RPS28: variants seen among roughly 807,000 people sequenced by gnomAD.
RPS28 encodes small ribosomal subunit protein eS28.
A neutral mutation model predicts 9.4 loss-of-function variants in RPS28; 2 were observed. The ratio of observed to expected loss-of-function variants is 0.21; its 90% CI spans 0.09 to 0.67. RPS28 has a LOEUF of 0.67. RPS28 is among the 30% of genes least tolerant of loss of function. The pLI is 0.82. For missense variants in RPS28, 35 were observed against 95.3 expected (o/e 0.37, Z 2.63); for synonymous variants, 41 against 37.8 (o/e 1.08, Z -0.31).
In RPS28 at chr19:8,321,901, C is replaced by T. The variant is rs756754419; in HGVS notation, c.88-52C>T. The T allele has an allele frequency of 3.1e-6, 5 of 1,604,544 alleles. No homozygotes were observed. The South Asian group carries it at 5.6e-5, about 18-fold the overall frequency. ...CATATCTGCTTCCCACTCCGCGGTGCCTTTCCGCGGCCCGCCCTTACTTCT... is the reference window on the plus strand; with the variant it reads ...CATATCTGCTTCCCACTCCGCGGTGTCTTTCCGCGGCCCGCCCTTACTTCT... On this transcript the variant is annotated intron_variant, in intron 2 of 3. Transcript: ENST00000600659.
chr19:8,321,637 C>G lies in RPS28; in HGVS notation c.40-19C>G, dbSNP rs1222072006. The G allele has an allele frequency of 3.2e-6, 5 of 1,555,676 alleles. No individual in the cohort carries two copies. The African/African-American group carries it at 4.1e-5, about 13-fold the overall frequency. ...AGGAGCCAAACGGGCCGGGTCTGAA[C>G]CCAGCTTCTTTCCTCCAGGTCACCA... On this transcript the variant is annotated intron_variant, in intron 1 of 3. Coordinates refer to ENST00000600659, the MANE Select transcript of RPS28 (RefSeq NM_001031.5).
Position 8,322,997 on chromosome 19 carries a change from C to A in RPS28, c.*742C>A. The A allele has an allele frequency of 1.2e-6, 1 of 834,316 alleles. No individual in the cohort carries two copies. The highest frequency in any genetic ancestry group is 2.9e-5 in the East Asian group (1 of 34,112). The allele number at this position is 834,316 out of a possible 1,614,324, so 51.7% of individuals were successfully genotyped here. A position where few individuals can be genotyped will look rare whatever the true frequency, so the allele number is the denominator to read the frequency against. ...GAAACGTGGGATTCAGCCCCAGCCT[C>A]ACTTAGTGGAGGTTCTTTTACCATG... On this transcript the variant is annotated 3_prime_UTR_variant, in exon 4 of 4. Transcript: ENST00000600659.
rs764600900 is a variant in RPS28 at position 8,321,988 on chromosome 19, C to T, written c.123C>T (p.Ser41=). 1.4e-5 allele frequency: 22 copies of T among 1,612,910 alleles called. No individual in the cohort carries two copies. Among genetic ancestry groups the T allele is most frequent in the Middle Eastern group, 1.6e-4 (1 of 6,076 alleles). Residue 41 remains serine, a synonymous_variant, in exon 3 of 4, where the codon TCC becomes TCT. Transcript: ENST00000600659. Reference sequence around the variant, plus strand: ...AATTCATGGACGACACGAGCCGATCCATCATCCGCAATGTAAAAGGCCCCG... The same window carrying T: ...AATTCATGGACGACACGAGCCGATCTATCATCCGCAATGTAAAAGGCCCCG... ...RVEFMDDTSR[S]IIRNVKGPVR... is the part of the protein sequence containing the mutation.
At position 8,322,952 on chromosome 19, in the gene RPS28, C is replaced by T. The variant is rs750292434; in HGVS notation, c.*697C>T. 9.7e-6 allele frequency: 12 copies of T among 1,242,886 alleles called. No homozygotes were observed. Among genetic ancestry groups the T allele is most frequent in the Non-Finnish European group, 1.3e-5 (12 of 901,214 alleles). 77.0% of individuals were successfully genotyped at this position (1,242,886 alleles called of 1,614,324 possible). A position where few individuals can be genotyped will look rare whatever the true frequency, so the allele number is the denominator to read the frequency against. On this transcript the variant is annotated 3_prime_UTR_variant, in exon 4 of 4. Coordinates refer to ENST00000600659, the MANE Select transcript of RPS28 (RefSeq NM_001031.5). ...AGAGAGGGGAAAAGAGGGGGGCCTG[C>T]TGCAATCTCCTTGAGGCAGGAAACG...
intron 2 of RPS28, 65 bp downstream of exon 2, chr19:8,321,768 C>A: frequency 6.6e-7 from 1 of 1,523,632 alleles, no homozygotes; most frequent in Non-Finnish European, 8.9e-7. Context: ...CTCTACCCTG[C>A]CCTAACCCCT....
chr19:8,322,624 G>A lies in RPS28; in HGVS notation c.*369G>A, dbSNP rs1599636688. ...ATTAGCAAAGAAGTTTCAGAGAGTG[G>A]GTGGATCAGGGCTCTATCACTTGGT... On this transcript the variant is annotated 3_prime_UTR_variant, in exon 4 of 4. Coordinates refer to ENST00000600659, the MANE Select transcript of RPS28 (RefSeq NM_001031.5). 3 of 588,390 alleles carry A rather than the reference G, an allele frequency of 5.1e-6. No homozygotes were observed. The East Asian group carries it at 8.5e-5, about 17-fold the overall frequency. 36.4% of individuals were successfully genotyped at this position (588,390 alleles called of 1,614,324 possible). A position where few individuals can be genotyped will look rare whatever the true frequency, so the allele number is the denominator to read the frequency against.
intron 2 of RPS28, 100 bp downstream of exon 2, chr19:8,321,803 T>G (rs1970320801): frequency 4.0e-6 from 6 of 1,506,798 alleles, no homozygotes; most frequent in Non-Finnish European, 5.4e-6. Flanking sequence ...GGGAGCCGAT[T>G]CTCATTTCAT....
rs770647807 is a variant in RPS28 at position 8,321,582 on chromosome 19, C to T, written c.39+13C>T. 3.2e-6 allele frequency: 5 copies of T among 1,575,676 alleles called. No individual in the cohort carries two copies. The South Asian group carries it at 5.8e-5, about 18-fold the overall frequency. Reference sequence around the variant, plus strand: ...CAAGCTGGCCAGGGTGAGGTGGGGGCCCGAATTTGGGGGCAGGGGGAGGGA... The same window carrying T: ...CAAGCTGGCCAGGGTGAGGTGGGGGTCCGAATTTGGGGGCAGGGGGAGGGA... On this transcript the variant is annotated intron_variant, in intron 1 of 3. Transcript: ENST00000600659.
rs1486469822 is a variant in RPS28, at chr19:8,322,233, C to T, written c.*17-39C>T. On this transcript the variant is annotated intron_variant, in intron 3 of 3. Transcript: ENST00000600659. ...GGAGGCGGGAGTTTGCCAATTGCTG[C>T]GGGGCCTGTCAACATCTCATGTTTG... 1.6e-5 allele frequency: 15 copies of T among 922,028 alleles called. No homozygotes were observed. In the African/African-American group the frequency reaches 2.1e-4, roughly 13 times the overall value. The allele number at this position is 922,028 out of a possible 1,614,324, so 57.1% of individuals were successfully genotyped here.
chr19:8,321,644 T>C lies in RPS28; in HGVS notation c.40-12T>C. On this transcript the variant is annotated splice_polypyrimidine_tract_variant and intron_variant, in intron 1 of 3. Coordinates refer to ENST00000600659, the MANE Select transcript of RPS28 (RefSeq NM_001031.5). ...AAACGGGCCGGGTCTGAACCCAGCT[T>C]CTTTCCTCCAGGTCACCAAGGTCCT... is the stretch of plus-strand genomic sequence containing the variant. 6.4e-7 allele frequency: 1 copy of C among 1,555,916 alleles called. No homozygotes were observed.
chr19:8,322,936 A>C lies in RPS28; in HGVS notation c.*681A>C. 2 of 1,415,772 alleles carry C rather than the reference A, an allele frequency of 1.4e-6. No homozygotes were observed. Among genetic ancestry groups the C allele is most frequent in the Non-Finnish European group, 1.9e-6 (2 of 1,051,858 alleles). 87.7% of individuals were successfully genotyped at this position (1,415,772 alleles called of 1,614,324 possible). ...GGGTGACTCGCTCTGGAGAGAGGGG[A>C]AAAGAGGGGGGCCTGCTGCAATCTC... On this transcript the variant is annotated 3_prime_UTR_variant, in exon 4 of 4. Coordinates refer to ENST00000600659, the MANE Select transcript of RPS28 (RefSeq NM_001031.5).
At position 8,323,219 on chromosome 19, in the gene RPS28, A is replaced by T; in HGVS notation, c.*964A>T. ...GTTTAATACACCTAATCTCCCAAAC[A>T]TCACAGCTTAGCATGGTCCATCTTA... On this transcript the variant is annotated 3_prime_UTR_variant, in exon 4 of 4. Transcript: ENST00000600659. The T allele has an allele frequency of 4.4e-6, 1 of 229,298 alleles. No individual in the cohort carries two copies. The highest frequency in any genetic ancestry group is 8.5e-6 in the Non-Finnish European group (1 of 118,032). The allele number at this position is 229,298 out of a possible 1,614,324, so 14.2% of individuals were successfully genotyped here.
At position 8,322,940 on chromosome 19, in the gene RPS28, GA is replaced by G. The variant is rs767140684; in HGVS notation, c.*686del. 4.4e-6 allele frequency: 6 copies of G among 1,378,960 alleles called. No individual in the cohort carries two copies. The East Asian group carries it at 1.6e-4, about 36-fold the overall frequency. The allele number at this position is 1,378,960 out of a possible 1,614,324, so 85.4% of individuals were successfully genotyped here. ...GACTCGCTCTGGAGAGAGGGGAAAA[GA>G]GGGGGGCCTGCTGCAATCTCCTTGA... On this transcript the variant is annotated 3_prime_UTR_variant, in exon 4 of 4. Coordinates refer to ENST00000600659, the MANE Select transcript of RPS28 (RefSeq NM_001031.5).
rs931728461 is a variant in RPS28 at position 8,323,128 on chromosome 19, T to C, written c.*873T>C. The C allele has an allele frequency of 1.2e-5, 5 of 427,908 alleles. No homozygotes were observed. The highest frequency in any genetic ancestry group is 1.0e-4 in the African/African-American group (5 of 48,388). The allele number at this position is 427,908 out of a possible 1,614,324, so 26.5% of individuals were successfully genotyped here. A position where few individuals can be genotyped will look rare whatever the true frequency, so the allele number is the denominator to read the frequency against. The stretch of plus-strand genomic sequence containing the variant: ...CCAGTGGGGTGAGTACAGGTGTTCC[T>C]CAGTTTACAATGGGTTACATTCCGG... On this transcript the variant is annotated 3_prime_UTR_variant, in exon 4 of 4. Transcript: ENST00000600659.
At position 8,321,661 on chromosome 19, in the gene RPS28, C is replaced by T. The variant is rs1167149104; in HGVS notation, c.45C>T (p.Thr15=). 3 of 1,559,380 alleles carry T rather than the reference C, an allele frequency of 1.9e-6. No individual in the cohort carries two copies. The highest frequency in any genetic ancestry group is 2.6e-6 in the Non-Finnish European group (3 of 1,151,856). ...RVQPIKLARV[T]KVLGRTGSQG... ...ACCCAGCTTCTTTCCTCCAGGTCAC[C>T]AAGGTCCTGGGCAGGACCGGTTCTC... Residue 15 remains threonine (T), a synonymous_variant, in exon 2 of 4, where the codon ACC becomes ACT. Transcript: ENST00000600659.
intron 2 of RPS28, 24 bp from the exon 3 acceptor site, chr19:8,321,929 C>A: frequency 6.2e-7 from 1 of 1,611,226 alleles, no homozygotes; most frequent in Non-Finnish European, 8.5e-7. Context: ...TTACTTCTTC[C>A]TCCACTCCGG....
chr19:8,323,016 T>C lies in RPS28; in HGVS notation c.*761T>C. 1.4e-6 allele frequency: 1 copy of C among 699,398 alleles called. No homozygotes were observed. The allele number at this position is 699,398 out of a possible 1,614,324, so 43.3% of individuals were successfully genotyped here. A position where few individuals can be genotyped will look rare whatever the true frequency, so the allele number is the denominator to read the frequency against. On this transcript the variant is annotated 3_prime_UTR_variant, in exon 4 of 4. Transcript: ENST00000600659. ...CAGCCTCACTTAGTGGAGGTTCTTT[T>C]ACCATGGACCCAGGCTGCCTGGTTT...
In RPS28 at chr19:8,321,979, G is replaced by T; in HGVS notation, c.114G>T (p.Thr38=). Residue 38 remains threonine, a synonymous_variant, in exon 3 of 4, where the codon ACG becomes ACT. Transcript: ENST00000600659. ...TGCGCGTGGAATTCATGGACGACAC[G>T]AGCCGATCCATCATCCGCAATGTAA... ...TQVRVEFMDD[T]SRSIIRNVKG... 3 of 1,612,644 alleles carry T rather than the reference G, an allele frequency of 1.9e-6. No individual in the cohort carries two copies. The highest frequency in any genetic ancestry group is 8.5e-7 in the Non-Finnish European group (1 of 1,179,598).
At position 8,322,399 on chromosome 19, in the gene RPS28, C is replaced by T. The variant is rs2145405523; in HGVS notation, c.*144C>T. On this transcript the variant is annotated 3_prime_UTR_variant, in exon 4 of 4. Coordinates refer to ENST00000600659, the MANE Select transcript of RPS28 (RefSeq NM_001031.5). Reference sequence around the variant, plus strand: ...AAAGCGTTTGTGTTTCAAGTTAACTCAGGTTCTTGTCTGGGTTATACGACT... The same window carrying T: ...AAAGCGTTTGTGTTTCAAGTTAACTTAGGTTCTTGTCTGGGTTATACGACT... 1.8e-6 allele frequency: 1 copy of T among 562,180 alleles called. No individual in the cohort carries two copies. The highest frequency in any genetic ancestry group is 1.5e-5 in the South Asian group (1 of 65,418). The allele number at this position is 562,180 out of a possible 1,614,324, so 34.8% of individuals were successfully genotyped here.
Sources: allele counts gnomAD v4.1 joint callset, GRCh38; gene constraint gnomAD v4.1.1; transcripts MANE v1.5; gene names NCBI Gene and HGNC (gene_info 2026-07-23, HGNC 2026-07-21).